Variants in FNBP1L observed in about 807,000 individuals in gnomAD.
FNBP1L encodes formin binding protein 1 like.
A neutral mutation model predicts 91.2 loss-of-function variants in FNBP1L; 36 were observed. The ratio of observed to expected loss-of-function variants is 0.39; its 90% CI spans 0.30 to 0.52. The LOEUF (loss-of-function observed/expected upper bound fraction) is 0.52. FNBP1L is among the 20% of genes least tolerant of loss of function. The pLI is 0.66. For missense variants in FNBP1L, 571 were observed against 732.1 expected (o/e 0.78, Z 2.54); for synonymous variants, 242 against 237.0 (o/e 1.02, Z -0.19).
At chr1:93,515,084 C>T (rs1214390526) in intron 2 of FNBP1L, among the ~76,000 whole-genome samples, 1 of 152,092 alleles carries the variant, frequency 6.6e-6, no homozygotes, top group Non-Finnish European at 1.5e-5. Context: ...AAAAAACAAC[C>T]CCATCAAAAA....
intron 1 of FNBP1L, among the ~76,000 whole-genome samples, chr1:93,483,968 G>T (rs1570789980): frequency 1.3e-5 from 2 of 152,336 alleles, no homozygotes; most frequent in East Asian, 3.9e-4. Flanking sequence ...TCTCTCTGTT[G>T]CCCAGGCCAG....
intron 1 of FNBP1L, among the ~76,000 whole-genome samples, chr1:93,462,373 C>G (rs1175094367): frequency 6.6e-6 from 1 of 152,040 alleles, no homozygotes; most frequent in Non-Finnish European, 1.5e-5. Context: ...CCCAGTTTCT[C>G]CTATTATTAA....
intron 1 of FNBP1L, 85 bp from the exon 2 acceptor site, chr1:93,499,383 T>C: frequency 2.4e-6 from 2 of 849,980 alleles, no homozygotes; most frequent in East Asian, 2.7e-5. Flanking sequence ...TCATTGCTTC[T>C]CTGTACAAAT....
chr1:93,477,602 T>C (rs1260936418), intron 1 of FNBP1L, among the ~76,000 whole-genome samples: 1 of 152,224 alleles, frequency 6.6e-6, no homozygotes, highest in East Asian at 1.9e-4. Flanking sequence ...TGAATTGTAG[T>C]ACAAAGCTAT....
At chr1:93,489,358 G>A (rs1670021702) in intron 1 of FNBP1L, among the ~76,000 whole-genome samples, 1 of 152,060 alleles carries the variant, frequency 6.6e-6, no homozygotes, top group African/African-American at 2.4e-5. Flanking sequence ...AAAATTGTTG[G>A]ACTTGGGGTA....
chr1:93,458,828 T>C (rs1668761195), intron 1 of FNBP1L, among the ~76,000 whole-genome samples: 1 of 152,264 alleles, frequency 6.6e-6, no homozygotes, highest in Admixed American at 6.5e-5. Flanking sequence ...CTAATTGTTC[T>C]CTTTTATTAT....
intron 10 of FNBP1L, among the ~76,000 whole-genome samples, chr1:93,539,538 T>A (rs2101766662): frequency 6.6e-6 from 1 of 152,230 alleles, no homozygotes; most frequent in South Asian, 2.1e-4. Context: ...ATTTCAGCTA[T>A]AATTATCTTA....
chr1:93,455,174 C>G (rs993514760), intron 1 of FNBP1L, among the ~76,000 whole-genome samples: 1 of 152,162 alleles, frequency 6.6e-6, no homozygotes, highest in African/African-American at 2.4e-5. Flanking sequence ...GTGGTCCACC[C>G]GCCTCGGCCT....
intron 1 of FNBP1L, among the ~76,000 whole-genome samples, chr1:93,467,098 C>T (rs1408642227): frequency 3.9e-5 from 6 of 152,140 alleles, no homozygotes; most frequent in Non-Finnish European, 8.8e-5. Flanking sequence ...CTCAAGTTAT[C>T]CACCCGCCTT....
chr1:93,527,103 T>G (rs1019930747), intron 5 of FNBP1L, among the ~76,000 whole-genome samples: 4 of 152,222 alleles, frequency 2.6e-5, no homozygotes, highest in African/African-American at 9.6e-5. Context: ...AAGCCTACAT[T>G]TAAATAAATT....
chr1:93,533,041 T>C lies in FNBP1L; in HGVS notation c.759T>C (p.Leu253=). ...IISKCLEGMI[L]AAKSVDERRD... is the part of the protein sequence containing the mutation. The stretch of plus-strand genomic sequence containing the variant: ...CAAAATGTTTGGAAGGAATGATTCT[T>C]GCAGCAAAATCAGTTGATGAAAGAA... The change falls in exon 8 of 17, where the codon CTT becomes CTC. Residue 253 remains leucine, a synonymous_variant. Coordinates refer to ENST00000271234, the MANE Select transcript of FNBP1L (RefSeq NM_001164473.3). 1 of 1,612,924 alleles carries C rather than the reference T, an allele frequency of 6.2e-7. No individual in the cohort carries two copies. The highest frequency in any genetic ancestry group is 2.2e-5 in the East Asian group (1 of 44,774).
rs1671614555 is a variant in FNBP1L at position 93,529,738 on chromosome 1, C to T, written c.492C>T (p.Thr164=). 1 of 1,519,588 alleles carries T rather than the reference C, an allele frequency of 6.6e-7. No individual in the cohort carries two copies. Among genetic ancestry groups the T allele is most frequent in the Non-Finnish European group, 8.8e-7 (1 of 1,135,612 alleles). The allele number at this position is 1,519,588 out of a possible 1,614,324, so 94.1% of individuals were successfully genotyped here. The change falls in exon 6 of 17, where the codon ACC becomes ACT. Residue 164 remains threonine (T), a synonymous_variant. Coordinates refer to ENST00000271234, the MANE Select transcript of FNBP1L (RefSeq NM_001164473.3). The part of the protein sequence containing the change: ...YERLDNDTNA[T]KADVEKAKQQ... Reference sequence around the variant, plus strand: ...GATTGGATAATGATACTAATGCAACCAAGGCAGATGTTGAAAAGGTAAGAA... The same window carrying T: ...GATTGGATAATGATACTAATGCAACTAAGGCAGATGTTGAAAAGGTAAGAA...
At position 93,553,344 on chromosome 1, in the gene FNBP1L, C is replaced by G. The variant is rs1361112227; in HGVS notation, c.*928C>G. On this transcript the variant is annotated 3_prime_UTR_variant, in exon 17 of 17. Coordinates refer to ENST00000271234, the MANE Select transcript of FNBP1L (RefSeq NM_001164473.3). Reference sequence around the variant, plus strand: ...TTGCCAACACTACCACTACAGTATCCCACAAAGGGCTTTATGTGTCAGCTC... The same window carrying G: ...TTGCCAACACTACCACTACAGTATCGCACAAAGGGCTTTATGTGTCAGCTC... 2.6e-5 allele frequency: 4 copies of G among 152,656 alleles called. No individual in the cohort carries two copies. The highest frequency in any genetic ancestry group is 2.6e-4 in the Admixed American group (4 of 15,282). The allele number at this position is 152,656 out of a possible 1,614,324, so 9.5% of individuals were successfully genotyped here.
intron 1 of FNBP1L, among the ~76,000 whole-genome samples, chr1:93,452,640 C>T (rs1487348354): frequency 6.6e-6 from 1 of 152,156 alleles, no homozygotes; most frequent in Admixed American, 6.5e-5. Context: ...TATTCTCAGG[C>T]CAGTCTTGAA....
At chr1:93,552,020 G>C (rs538033568) in intron 16 of FNBP1L, 1 of 1,007,672 alleles carries the variant, frequency 9.9e-7, no homozygotes, top group East Asian at 9.7e-5. Flanking sequence ...AATTTTTAAA[G>C]GAGAAACTTT....
intron 2 of FNBP1L, among the ~76,000 whole-genome samples, chr1:93,503,062 A>G (rs1387212183): frequency 1.3e-5 from 2 of 151,758 alleles, no homozygotes; most frequent in Non-Finnish European, 2.9e-5. Flanking sequence ...ATAGTGAGGC[A>G]GCACTTTTTT....
chr1:93,506,240 C>CT (rs1451947742), intron 2 of FNBP1L, among the ~76,000 whole-genome samples: 11 of 152,292 alleles, frequency 7.2e-5, no homozygotes, highest in African/African-American at 2.6e-4. Context: ...CGCCAAAGCC[C>CT]TTTGTCTTTT....
intron 1 of FNBP1L, among the ~76,000 whole-genome samples, chr1:93,469,880 A>T (rs1331713658): frequency 6.6e-6 from 1 of 152,118 alleles, no homozygotes; most frequent in Non-Finnish European, 1.5e-5. Context: ...GGATCACTTG[A>T]GCCTGGGAAT....
chr1:93,524,495 C>G (rs573841951), intron 5 of FNBP1L, among the ~76,000 whole-genome samples, 172 bp downstream of exon 5: 1 of 150,276 alleles, frequency 6.7e-6, no homozygotes, highest in Non-Finnish European at 1.5e-5. Flanking sequence ...GATGTGAGGT[C>G]ATTTTGTCAT....
Sources: gnomAD v4.1 joint callset for allele counts (sites outside exome capture counted in the v4.1 genomes callset) on GRCh38, gnomAD v4.1.1 for gene constraint, MANE v1.5 for transcripts, NCBI Gene and HGNC (gene_info 2026-07-23, HGNC 2026-07-21) for gene names.